TENT2: variants seen among roughly 807,000 people sequenced by gnomAD.
TENT2 encodes poly(A) RNA polymerase GLD2.
A neutral mutation model predicts 72.2 loss-of-function variants in TENT2; 44 were observed. The ratio of observed to expected loss-of-function variants is 0.61; its 90% CI spans 0.48 to 0.78. TENT2 has a LOEUF of 0.78. Among genes scored for constraint, TENT2 ranks in the 30% least tolerant of loss-of-function variants. The pLI is 0.00. For synonymous variants in TENT2, 212 were observed against 192.5 expected (o/e 1.10, Z -0.84); for missense variants, 541 against 569.6 (o/e 0.95, Z 0.51).
At chr5:79,671,337 A>G (rs778545611) in intron 12 of TENT2, among the ~76,000 whole-genome samples, 17 of 152,116 alleles carry the variant, frequency 1.1e-4, no homozygotes, top group Non-Finnish European at 2.4e-4. Flanking sequence ...AATTATGGCA[A>G]TTGTTAAAAA....
chr5:79,682,084 C>T, intron 14 of TENT2, 23 bp downstream of exon 14: 1 of 1,555,160 alleles, frequency 6.4e-7, no homozygotes. Flanking sequence ...TTAGATCAAC[C>T]CTAGAAACAT....
intron 10 of TENT2, among the ~76,000 whole-genome samples, chr5:79,653,923 T>G (rs1451696827): frequency 6.6e-6 from 1 of 152,218 alleles, no homozygotes; most frequent in Non-Finnish European, 1.5e-5. Flanking sequence ...TTAAATGACC[T>G]TTACGTTTTG....
rs368164046 is a variant in TENT2 at position 79,662,392 on chromosome 5, C to G, written c.1071+5391C>G. The stretch of plus-strand genomic sequence containing the variant: ...TTAACGGTATCTAGAATGATGACTC[C>G]TTTCCAGAAAGCTTTCAATGTACTT... On this transcript the variant is annotated intron_variant, in intron 11 of 14. Transcript: ENST00000453514. Among the ~76,000 whole-genome samples, 6 of 152,166 alleles carry G rather than the reference C, an allele frequency of 3.9e-5. No individual in the cohort carries two copies. In the East Asian group the frequency reaches 7.7e-4, roughly 20 times the overall value.
chr5:79,681,673 G>A (rs1404199578), intron 13 of TENT2: 1 of 195,778 alleles, frequency 5.1e-6, no homozygotes, highest in East Asian at 1.2e-4. Context: ...CCTAAGGGTA[G>A]GTCTTTGACC....
At chr5:79,681,349 G>A (rs577897306) in intron 13 of TENT2, among the ~76,000 whole-genome samples, 11 of 151,144 alleles carry the variant, frequency 7.3e-5, no homozygotes, top group Non-Finnish European at 1.5e-4. Context: ...TAGTAGAGGT[G>A]GGGTTTCACC....
intron 4 of TENT2, among the ~76,000 whole-genome samples, chr5:79,633,432 G>GTTTTTTTTTT (rs539713889): frequency 6.2e-5 from 5 of 80,368 alleles, no homozygotes; most frequent in Non-Finnish European, 9.3e-5. Flanking sequence ...CAGCTAAAAA[G>GTTTTTTTTTT]TTTTTTTTTT....
chr5:79,644,032 A>T (rs1786642539), intron 7 of TENT2, among the ~76,000 whole-genome samples: 1 of 149,564 alleles, frequency 6.7e-6, no homozygotes, highest in Admixed American at 6.7e-5. Context: ...ACGAGGCTGG[A>T]GTGCAGTAGC....
Position 79,620,019 on chromosome 5 carries a change from C to A in TENT2, c.163C>A (p.Gln55Lys). Residue 55 changes from glutamine to lysine, a missense_variant, in exon 3 of 15, where the codon CAG becomes AAG. Transcript: ENST00000453514. ...CTTGTCTAGAGCTGTGTCATTACAG[C>A]AGCTGACATATGGAAATGTCAGTCC... ...ADLSRAVSLQ[Q>K]LTYGNVSPIQ... The A allele has an allele frequency of 6.2e-7, 1 of 1,611,184 alleles. No individual in the cohort carries two copies. Among genetic ancestry groups the A allele is most frequent in the Non-Finnish European group, 8.5e-7 (1 of 1,178,216 alleles).
At position 79,650,495 on chromosome 5, in the gene TENT2, CAGTGT is replaced by C. The variant is rs1361606325; in HGVS notation, c.1027+1309_1027+1313del. Among the ~76,000 whole-genome samples, 44 of 152,032 alleles carry C rather than the reference CAGTGT, an allele frequency of 2.9e-4. No individual in the cohort carries two copies. In the South Asian group the frequency reaches 8.7e-3, roughly 30 times the overall value. The stretch of plus-strand genomic sequence containing the variant: ...GTGATATGCTCAATAATAATTATTA[CAGTGT>C]AGTCATTAAAAAAAAGTATTGAAAA... On this transcript the variant is annotated intron_variant, in intron 10 of 14. Coordinates refer to ENST00000453514, the MANE Select transcript of TENT2 (RefSeq NM_001114394.3).
At chr5:79,615,820 C>T (rs1303593173) in intron 1 of TENT2, among the ~76,000 whole-genome samples, 1 of 152,054 alleles carries the variant, frequency 6.6e-6, no homozygotes, top group East Asian at 1.9e-4. Context: ...TCAAGCGATC[C>T]TCCCACCCCA....
At chr5:79,684,315 G>T (rs1338079265) in intron 14 of TENT2, among the ~76,000 whole-genome samples, 2 of 152,166 alleles carry the variant, frequency 1.3e-5, no homozygotes, top group African/African-American at 4.8e-5. Context: ...ACAGGGTCTT[G>T]CTCTGTTACC....
At chr5:79,649,632 G>A (rs1792092357) in intron 10 of TENT2, among the ~76,000 whole-genome samples, 1 of 152,008 alleles carries the variant, frequency 6.6e-6, no homozygotes, top group Non-Finnish European at 1.5e-5. Flanking sequence ...TATCTTCATA[G>A]GGCTGTTTTA....
At chr5:79,658,813 A>T (rs906338373) in intron 11 of TENT2, among the ~76,000 whole-genome samples, 6 of 152,022 alleles carry the variant, frequency 3.9e-5, no homozygotes, top group African/African-American at 1.5e-4. Flanking sequence ...TAATACTCAG[A>T]TTCTTACTGA....
At chr5:79,651,642 CTA>C (rs1437954041) in intron 10 of TENT2, among the ~76,000 whole-genome samples, 1 of 151,930 alleles carries the variant, frequency 6.6e-6, no homozygotes, top group Non-Finnish European at 1.5e-5. Flanking sequence ...AACCTTTCCT[CTA>C]TGGTGGAGAA....
At chr5:79,682,482 AC>A (rs1162560505) in intron 14 of TENT2, among the ~76,000 whole-genome samples, 4 of 140,520 alleles carry the variant, frequency 2.8e-5, no homozygotes, top group Non-Finnish European at 6.1e-5. Context: ...ACAGGGTTTC[AC>A]CATGTTGGTC....
rs1430330405 is a variant in TENT2, at chr5:79,688,000, A to C, written c.*2727A>C. Reference sequence around the variant, plus strand: ...AAGTCTAGCTGGTGTTAAGAGAATAAATATTGCTGATGCTAAACCTGGTTT... The same window carrying C: ...AAGTCTAGCTGGTGTTAAGAGAATACATATTGCTGATGCTAAACCTGGTTT... On this transcript the variant is annotated 3_prime_UTR_variant, in exon 15 of 15. Coordinates refer to ENST00000453514, the MANE Select transcript of TENT2 (RefSeq NM_001114394.3). Among the ~76,000 whole-genome samples, 1 of 151,848 alleles carries C rather than the reference A, an allele frequency of 6.6e-6. No individual in the cohort carries two copies. Among genetic ancestry groups the C allele is most frequent in the East Asian group, 1.9e-4 (1 of 5,196 alleles).
chr5:79,683,697 C>T (rs1429642621), intron 14 of TENT2, among the ~76,000 whole-genome samples: 2 of 151,532 alleles, frequency 1.3e-5, no homozygotes, highest in Admixed American at 6.6e-5. Flanking sequence ...GGGCGGATCA[C>T]GAGGTCAGGA....
At chr5:79,647,100 T>C (rs1789697708) in intron 8 of TENT2, among the ~76,000 whole-genome samples, 2 of 152,156 alleles carry the variant, frequency 1.3e-5, no homozygotes, top group African/African-American at 4.8e-5. Flanking sequence ...CCATATCTCA[T>C]GAATATTTGG....
chr5:79,651,272 T>TA (rs1284214723), intron 10 of TENT2, among the ~76,000 whole-genome samples: 1 of 151,952 alleles, frequency 6.6e-6, no homozygotes, highest in African/African-American at 2.4e-5. Context: ...TAAATAACTG[T>TA]AAAGGGTGGA....
Sources: gnomAD v4.1 joint callset for allele counts (sites outside exome capture counted in the v4.1 genomes callset) on GRCh38, gnomAD v4.1.1 for gene constraint, MANE v1.5 for transcripts, NCBI Gene and HGNC (gene_info 2026-07-23, HGNC 2026-07-21) for gene names.